Variants in CDH18 observed in about 807,000 individuals in gnomAD.
CDH18 encodes the protein cadherin 18.
A neutral mutation model predicts 67.9 loss-of-function variants in CDH18; 31 were observed. The ratio of observed to expected loss-of-function variants is 0.46; its 90% CI spans 0.34 to 0.62. The LOEUF (loss-of-function observed/expected upper bound fraction) is 0.62, where lower values mean the gene tolerates loss of function less well. Ranked by LOEUF, CDH18 falls within the 20% of genes least tolerant of loss-of-function variation. The pLI, the probability that CDH18 is intolerant of heterozygous loss-of-function variation, is 0.01. For synonymous variants in CDH18, 362 were observed against 347.2 expected (o/e 1.04, Z -0.48); for missense variants, 890 against 975.5 (o/e 0.91, Z 1.17).
chr5:20,304,793 G>A, intron 1 of CDH18: 1 of 1,610,374 alleles, frequency 6.2e-7, no homozygotes, highest in Non-Finnish European at 8.5e-7. Context: ...GAAGGAGACC[G>A]TGTTTCAGCC....
chr5:20,370,746 A>G (rs1742918935), intron 1 of CDH18, among the ~76,000 whole-genome samples: 1 of 152,134 alleles, frequency 6.6e-6, no homozygotes, highest in African/African-American at 2.4e-5. Context: ...TACTAGTTAG[A>G]AGACTGTGGC....
chr5:19,874,547 T>C (rs563548519), intron 2 of CDH18, among the ~76,000 whole-genome samples: 3 of 152,334 alleles, frequency 2.0e-5, no homozygotes, highest in South Asian at 4.1e-4. Flanking sequence ...TTTAACATCA[T>C]AGTTTATAAT....
intron 4 of CDH18, among the ~76,000 whole-genome samples, chr5:19,723,372 T>G (rs1766366956): frequency 2.0e-5 from 3 of 152,208 alleles, no homozygotes. Flanking sequence ...AAATAGAATA[T>G]GCCAAGCTCA....
At chr5:20,475,241 A>C (rs1314624097) in intron 1 of CDH18, among the ~76,000 whole-genome samples, 2 of 152,132 alleles carry the variant, frequency 1.3e-5, no homozygotes, top group African/African-American at 2.4e-5. Context: ...GAATTTATGC[A>C]TTATTTATGC....
chr5:20,495,494 C>T (rs932345711), intron 1 of CDH18, among the ~76,000 whole-genome samples: 7 of 152,128 alleles, frequency 4.6e-5, no homozygotes, highest in Admixed American at 4.6e-4. Context: ...CAGCAACAAA[C>T]CACAACTGAA....
chr5:20,324,045 A>G (rs1738297327), intron 1 of CDH18, among the ~76,000 whole-genome samples: 1 of 152,198 alleles, frequency 6.6e-6, no homozygotes, highest in Admixed American at 6.5e-5. Flanking sequence ...CAGTGCCCAA[A>G]GTTCAACGGT....
chr5:20,559,699 C>G (rs917768765), intron 1 of CDH18, among the ~76,000 whole-genome samples: 8 of 151,858 alleles, frequency 5.3e-5, no homozygotes, highest in Admixed American at 3.9e-4. Context: ...AATATTGAAG[C>G]TAATATTGAA....
At chr5:19,998,287 C>T (rs1382389016) in intron 2 of CDH18, among the ~76,000 whole-genome samples, 1 of 151,966 alleles carries the variant, frequency 6.6e-6, no homozygotes, top group Non-Finnish European at 1.5e-5. Context: ...TGAAGACGGG[C>T]TAAACTATTT....
At chr5:19,822,821 C>T (rs1256490156) in intron 3 of CDH18, among the ~76,000 whole-genome samples, 1 of 152,122 alleles carries the variant, frequency 6.6e-6, no homozygotes, top group African/African-American at 2.4e-5. Context: ...TGAGAGGAGG[C>T]AACTGGTCTG....
intron 2 of CDH18, among the ~76,000 whole-genome samples, chr5:20,184,270 G>A (rs114761834): frequency 0.034 from 5,232 of 152,062 alleles, 307 homozygotes; most frequent in African/African-American, 0.12. Flanking sequence ...GTTACGATTT[G>A]ATTATTTGCC....
chr5:20,423,214 T>C (rs903786554), intron 1 of CDH18, among the ~76,000 whole-genome samples: 9 of 151,308 alleles, frequency 5.9e-5, no homozygotes, highest in African/African-American at 1.7e-4. Flanking sequence ...AGGCAGGAGA[T>C]TGAATGAGCC....
chr5:19,717,450 T>C (rs1223410923), intron 5 of CDH18, among the ~76,000 whole-genome samples: 1 of 152,044 alleles, frequency 6.6e-6, no homozygotes, highest in Non-Finnish European at 1.5e-5. Context: ...GAATGATACC[T>C]GGTAGATTTC....
At chr5:20,511,925 A>G (rs1001839513) in intron 1 of CDH18, among the ~76,000 whole-genome samples, 1 of 152,192 alleles carries the variant, frequency 6.6e-6, no homozygotes, top group Non-Finnish European at 1.5e-5. Context: ...TTAATTAACA[A>G]TTTTTATAAA....
At chr5:20,332,112 A>G (rs759809511) in intron 1 of CDH18, among the ~76,000 whole-genome samples, 3 of 152,146 alleles carry the variant, frequency 2.0e-5, no homozygotes, top group Non-Finnish European at 4.4e-5. Flanking sequence ...TCTAAACACA[A>G]TTAGTTGATG....
At chr5:19,602,165 G>A (rs1180105144) in intron 6 of CDH18, among the ~76,000 whole-genome samples, 1 of 152,146 alleles carries the variant, frequency 6.6e-6, no homozygotes, top group East Asian at 1.9e-4. Flanking sequence ...AATTATCTCT[G>A]TTCACAGATG....
intron 1 of CDH18, among the ~76,000 whole-genome samples, chr5:20,424,745 T>TAA (rs67349001): frequency 0.014 from 586 of 42,924 alleles, 78 homozygotes; most frequent in African/African-American, 0.033. Context: ...AGACTCTGTC[T>TAA]AAAAAAAAAA....
intron 2 of CDH18, among the ~76,000 whole-genome samples, chr5:19,938,707 A>T (rs1277660816): frequency 2.0e-5 from 3 of 151,472 alleles, no homozygotes; most frequent in Non-Finnish European, 3.0e-5. Flanking sequence ...TGACCAAAAA[A>T]TGTAGAAAAA....
intron 9 of CDH18, among the ~76,000 whole-genome samples, chr5:19,529,509 A>G (rs1748261901): frequency 6.6e-6 from 1 of 152,078 alleles, no homozygotes; most frequent in South Asian, 2.1e-4. Flanking sequence ...AAAGTGATGT[A>G]AATTGCAAAA....
intron 1 of CDH18, among the ~76,000 whole-genome samples, chr5:20,351,558 G>A (rs183233031): frequency 6.7e-6 from 1 of 149,142 alleles, no homozygotes; most frequent in African/African-American, 2.5e-5. Context: ...GACTTAGTTT[G>A]TCCATACAGT....
Sources: allele counts gnomAD v4.1 joint callset (sites outside exome capture counted in the v4.1 genomes callset), GRCh38; gene constraint gnomAD v4.1.1; transcripts MANE v1.5; gene names NCBI Gene and HGNC (gene_info 2026-07-23, HGNC 2026-07-21).